The following NAALADL2 variants were observed in gnomAD, a reference collection of about 807,000 sequenced individuals.
NAALADL2 encodes the protein inactive N-acetylated-alpha-linked acidic dipeptidase-like protein 2.
A neutral mutation model predicts 87.2 loss-of-function variants in NAALADL2; 76 were observed. The ratio of observed to expected loss-of-function variants is 0.87; its 90% confidence interval spans 0.72 to 1.05. The LOEUF (loss-of-function observed/expected upper bound fraction) is 1.05. NAALADL2 is among the 50% of genes least tolerant of loss of function. The probability of loss-of-function intolerance (pLI) is 0.00; values close to 1 mark genes in which losing one functional copy is unlikely to be tolerated. For missense variants in NAALADL2, 1,089 were observed against 945.8 expected (o/e 1.15, Z -1.99); for synonymous variants, 354 against 331.0 (o/e 1.07, Z -0.75).
chr3:175,419,530 T>C (rs1485653397), intron 5 of NAALADL2, among the ~76,000 whole-genome samples: 1 of 151,996 alleles, frequency 6.6e-6, no homozygotes, highest in Non-Finnish European at 1.5e-5. Context: ...TATCTTCCAG[T>C]ATACTGCATA....
At chr3:175,186,484 G>A (rs566741206) in intron 2 of NAALADL2, among the ~76,000 whole-genome samples, 9 of 151,978 alleles carry the variant, frequency 5.9e-5, no homozygotes, top group Non-Finnish European at 1.2e-4. Flanking sequence ...GCCCTCTTTT[G>A]TTTAAATCAT....
intron 1 of NAALADL2, among the ~76,000 whole-genome samples, chr3:174,883,700 A>G (rs1729715114): frequency 1.3e-5 from 2 of 152,286 alleles, no homozygotes; most frequent in East Asian, 1.9e-4. Context: ...ATTGATGACT[A>G]CATTCTTCTA....
intron 10 of NAALADL2, among the ~76,000 whole-genome samples, chr3:175,592,640 C>CA (rs938667738): frequency 6.7e-6 from 1 of 149,278 alleles, no homozygotes. Flanking sequence ...ATAGCAAGAA[C>CA]AAAAAATCAA....
intron 1 of NAALADL2, among the ~76,000 whole-genome samples, chr3:174,930,897 C>T (rs1313701272): frequency 6.6e-6 from 1 of 151,958 alleles, no homozygotes; most frequent in Non-Finnish European, 1.5e-5. Context: ...GCTGGGATTA[C>T]AGGCATGAGC....
intron 1 of NAALADL2, among the ~76,000 whole-genome samples, chr3:174,919,509 A>T (rs1734855571): frequency 6.6e-6 from 1 of 152,128 alleles, no homozygotes; most frequent in Admixed American, 6.5e-5. Flanking sequence ...TATTCATAAG[A>T]TTTGAGCAAT....
At chr3:174,562,823 A>T (rs1713786860) in intron 2 of NAALADL2, among the ~76,000 whole-genome samples, 1 of 152,050 alleles carries the variant, frequency 6.6e-6, no homozygotes, top group African/African-American at 2.4e-5. Flanking sequence ...TATATTTAGT[A>T]ATAATAATAT....
chr3:174,794,464 A>G (rs1465067000), intron 3 of NAALADL2, among the ~76,000 whole-genome samples: 2 of 150,222 alleles, frequency 1.3e-5, no homozygotes, highest in African/African-American at 4.9e-5. Context: ...TTAAGAATAA[A>G]AGAAAAAATG....
chr3:174,826,719 T>C (rs1280668367), intron 3 of NAALADL2, among the ~76,000 whole-genome samples: 2 of 152,230 alleles, frequency 1.3e-5, no homozygotes, highest in Non-Finnish European at 2.9e-5. Flanking sequence ...ATAGTCCTTA[T>C]AGCATGTTTT....
chr3:175,255,870 A>G (rs1304940920), intron 3 of NAALADL2, among the ~76,000 whole-genome samples: 2 of 152,154 alleles, frequency 1.3e-5, no homozygotes, highest in African/African-American at 4.8e-5. Context: ...ATGTGGTTGA[A>G]CAGGTTGTAT....
rs142334813 is a variant in NAALADL2 at position 175,067,550 on chromosome 3, T to G, written c.44-29240T>G. ...AATAAAACCACAATAAGATACCATC[T>G]CACACTAGTCAGAATGGTTATTGTT... On this transcript the variant is annotated intron_variant, in intron 1 of 13. Coordinates refer to ENST00000454872, the MANE Select transcript of NAALADL2 (RefSeq NM_207015.3). 3.2e-3 allele frequency among the ~76,000 whole-genome samples: 493 copies of G among 152,230 alleles called. 3 individuals carry two copies. Among genetic ancestry groups the G allele is most frequent in the Non-Finnish European group, 5.8e-3 (394 of 68,018 alleles).
intron 11 of NAALADL2, among the ~76,000 whole-genome samples, chr3:175,725,784 A>G (rs914347342): frequency 6.6e-6 from 1 of 152,192 alleles, no homozygotes; most frequent in African/African-American, 2.4e-5. Flanking sequence ...TTTCTCATGC[A>G]AAATAGAATA....
At chr3:175,431,099 A>T (rs1412047542) in intron 5 of NAALADL2, among the ~76,000 whole-genome samples, 1 of 152,132 alleles carries the variant, frequency 6.6e-6, no homozygotes, top group Non-Finnish European at 1.5e-5. Flanking sequence ...AAAAATAGCC[A>T]TCTTGCTTTC....
intron 11 of NAALADL2, among the ~76,000 whole-genome samples, chr3:175,672,421 G>T (rs1368843100): frequency 6.6e-6 from 1 of 152,128 alleles, no homozygotes; most frequent in East Asian, 1.9e-4. Context: ...TCAGCTGTTA[G>T]TGCCGTTACG....
chr3:174,798,332 A>G (rs2109237100), intron 3 of NAALADL2, among the ~76,000 whole-genome samples: 1 of 152,206 alleles, frequency 6.6e-6, no homozygotes, highest in Admixed American at 6.5e-5. Context: ...GTGGGCATAT[A>G]TATTTATGGG....
intron 13 of NAALADL2, among the ~76,000 whole-genome samples, chr3:175,787,609 T>G (rs1343070300): frequency 2.0e-5 from 3 of 152,118 alleles, no homozygotes; most frequent in Non-Finnish European, 2.9e-5. Flanking sequence ...GCGCCCACTG[T>G]CTGGCGCTCC....
intron 10 of NAALADL2, among the ~76,000 whole-genome samples, chr3:175,584,057 C>T (rs1178632862): frequency 7.3e-5 from 10 of 137,574 alleles, no homozygotes; most frequent in Admixed American, 4.4e-4. Context: ...TTTTTTTCTG[C>T]GATGGAGTCT....
At chr3:175,135,454 A>G (rs1728970155) in intron 2 of NAALADL2, among the ~76,000 whole-genome samples, 1 of 152,156 alleles carries the variant, frequency 6.6e-6, no homozygotes, top group Non-Finnish European at 1.5e-5. Flanking sequence ...TTTGTAGAGT[A>G]AGCGTGTGTA....
intron 11 of NAALADL2, 117 bp downstream of exon 11, chr3:175,627,503 T>C (rs187666471): frequency 6.1e-6 from 4 of 656,646 alleles, no homozygotes; most frequent in Admixed American, 6.5e-5. Context: ...TTGTAGAATA[T>C]ATAAGAAAGG....
At chr3:174,757,297 A>G (rs1042412991) in intron 3 of NAALADL2, among the ~76,000 whole-genome samples, 3 of 152,164 alleles carry the variant, frequency 2.0e-5, no homozygotes, top group Non-Finnish European at 4.4e-5. Context: ...GACTAAGTAC[A>G]TGGATATCAT....
Sources: allele counts gnomAD v4.1 joint callset (sites outside exome capture counted in the v4.1 genomes callset), GRCh38; gene constraint gnomAD v4.1.1; transcripts MANE v1.5; gene names NCBI Gene and HGNC (gene_info 2026-07-23, HGNC 2026-07-21).